The following PTPRR variants were observed in gnomAD, a reference collection of about 807,000 sequenced individuals.
PTPRR encodes the protein receptor-type tyrosine-protein phosphatase R.
PTPRR carries 38 observed loss-of-function variants against 77.2 expected under a neutral mutation model. The ratio of observed to expected loss-of-function variants is 0.49; its 90% CI spans 0.38 to 0.65. PTPRR has a LOEUF of 0.65. PTPRR is among the 30% of genes least tolerant of loss of function. PTPRR has a pLI of 0.00. For missense variants in PTPRR, 744 were observed against 799.2 expected (o/e 0.93, Z 0.83); for synonymous variants, 299 against 283.1 (o/e 1.06, Z -0.57).
intron 2 of PTPRR, chr12:70,788,701 GA>G (rs1891371195): frequency 1.3e-6 from 1 of 776,152 alleles, no homozygotes. Context: ...GTTCTATGCT[GA>G]CTCATTTTTC....
At chr12:70,900,097 T>C (rs1893505305) in intron 1 of PTPRR, among the ~76,000 whole-genome samples, 1 of 151,504 alleles carries the variant, frequency 6.6e-6, no homozygotes, top group African/African-American at 2.4e-5. Context: ...AAGATGTCAA[T>C]CATCTCCAAT....
intron 6 of PTPRR, among the ~76,000 whole-genome samples, chr12:70,745,435 C>T (rs763836915): frequency 6.6e-6 from 1 of 152,188 alleles, no homozygotes; most frequent in Non-Finnish European, 1.5e-5. Flanking sequence ...CTCCAGACAA[C>T]GTGGGCTTTT....
intron 8 of PTPRR, among the ~76,000 whole-genome samples, chr12:70,685,047 C>T (rs1002643728): frequency 6.6e-6 from 1 of 152,102 alleles, no homozygotes; most frequent in Admixed American, 6.6e-5. Context: ...CGGTTCTCGA[C>T]CTCATTTCTC....
chr12:70,878,249 T>G (rs994695205), intron 2 of PTPRR, among the ~76,000 whole-genome samples: 1 of 151,930 alleles, frequency 6.6e-6, no homozygotes, highest in Non-Finnish European at 1.5e-5. Flanking sequence ...AATTGACAAA[T>G]GGGATCTAAT....
chr12:70,746,230 GTTTC>G, intron 5 of PTPRR, 144 bp from the exon 6 acceptor site: 1 of 784,910 alleles, frequency 1.3e-6, no homozygotes, highest in African/African-American at 1.7e-5. Flanking sequence ...TGATTTCTCA[GTTTC>G]ATGGTATTGA....
intron 1 of PTPRR, chr12:70,906,968 G>A (rs919613161): frequency 3.3e-5 from 5 of 152,458 alleles, no homozygotes; most frequent in African/African-American, 7.2e-5. Context: ...AACCAGTTGC[G>A]GATTTCTTTG....
chr12:70,839,347 T>C (rs916787773), intron 2 of PTPRR, among the ~76,000 whole-genome samples: 1 of 151,916 alleles, frequency 6.6e-6, no homozygotes, highest in East Asian at 1.9e-4. Flanking sequence ...GTGTTAAAAG[T>C]GTCCAATACA....
At chr12:70,845,681 T>C (rs1892472915) in intron 2 of PTPRR, among the ~76,000 whole-genome samples, 1 of 152,098 alleles carries the variant, frequency 6.6e-6, no homozygotes, top group Non-Finnish European at 1.5e-5. Context: ...ATAAAATGCC[T>C]AAGAAAGGAG....
intron 6 of PTPRR, among the ~76,000 whole-genome samples, chr12:70,734,686 C>CG (rs1410421970): frequency 6.6e-6 from 1 of 152,144 alleles, no homozygotes; most frequent in Non-Finnish European, 1.5e-5. Context: ...AGGAAAGGAG[C>CG]AATTACTGTG....
At chr12:70,910,861 A>G (rs1893689131) in intron 1 of PTPRR, among the ~76,000 whole-genome samples, 1 of 152,182 alleles carries the variant, frequency 6.6e-6, no homozygotes, top group African/African-American at 2.4e-5. Flanking sequence ...GAGGCACTGA[A>G]AGAGCTGCCA....
At chr12:70,798,383 T>A (rs563871245) in intron 2 of PTPRR, among the ~76,000 whole-genome samples, 1 of 152,188 alleles carries the variant, frequency 6.6e-6, no homozygotes, top group Non-Finnish European at 1.5e-5. Context: ...CCATTCTTCA[T>A]ATAACATCAA....
intron 2 of PTPRR, among the ~76,000 whole-genome samples, chr12:70,770,216 A>T (rs957935198): frequency 2.0e-5 from 3 of 150,040 alleles, no homozygotes; most frequent in Admixed American, 6.6e-5. Flanking sequence ...ATCAGAGTGA[A>T]CAGGCAACCT....
At chr12:70,660,708 G>T (rs1886767222) in intron 12 of PTPRR, among the ~76,000 whole-genome samples, 1 of 152,202 alleles carries the variant, frequency 6.6e-6, no homozygotes, top group Admixed American at 6.5e-5. Flanking sequence ...TTACGAACTT[G>T]TATTTCGCCG....
chr12:70,701,036 T>C, intron 7 of PTPRR, 101 bp downstream of exon 7: 1 of 1,241,430 alleles, frequency 8.1e-7, no homozygotes, highest in Non-Finnish European at 1.1e-6. Context: ...ATTTGTTTAC[T>C]GTAGACTGCT....
intron 13 of PTPRR, 34 bp downstream of exon 13, chr12:70,656,670 C>T: frequency 6.9e-7 from 1 of 1,449,588 alleles, no homozygotes; most frequent in Middle Eastern, 1.8e-4. Flanking sequence ...TGAATGAAAA[C>T]AGTGCTCTGA....
chr12:70,828,296 T>G (rs563614067), intron 2 of PTPRR, among the ~76,000 whole-genome samples: 1 of 152,334 alleles, frequency 6.6e-6, no homozygotes, highest in Admixed American at 6.5e-5. Flanking sequence ...CCTTTGTCCT[T>G]TGGGAACTTC....
chr12:70,826,838 C>T (rs1285981084), intron 2 of PTPRR, among the ~76,000 whole-genome samples: 3 of 152,156 alleles, frequency 2.0e-5, no homozygotes, highest in Non-Finnish European at 4.4e-5. Context: ...ATCCTCAAGG[C>T]TCTATTGGAT....
chr12:70,745,553 T>A (rs1001409304), intron 6 of PTPRR, among the ~76,000 whole-genome samples: 2 of 152,178 alleles, frequency 1.3e-5, no homozygotes, highest in South Asian at 2.1e-4. Context: ...AGCTAGAAAT[T>A]GTCTTGTAGT....
chr12:70,684,185 A>G lies in PTPRR; in HGVS notation c.1439T>C (p.Val480Ala), dbSNP rs1325857916. ...AATCACAGGGCTGTCTTCCTGCCAA[A>G]CCATCTGCCAGAAATCATCCACGGT... The part of the protein sequence containing the change: ...INTVDDFWQM[V>A]WQEDSPVIVM... Residue 480 changes from valine (V) to alanine (A), a missense_variant, in exon 10 of 14, where the codon GTT (valine) becomes GCT (alanine). Physicochemically the swap from Val to Ala is moderately conservative, Grantham distance 64. Transcript: ENST00000283228. 2 of 1,614,076 alleles carry G rather than the reference A, an allele frequency of 1.2e-6. No individual in the cohort carries two copies.
Sources: allele counts gnomAD v4.1 joint callset (sites outside exome capture counted in the v4.1 genomes callset), GRCh38; gene constraint gnomAD v4.1.1; transcripts MANE v1.5; gene names NCBI Gene and HGNC (gene_info 2026-07-23, HGNC 2026-07-21).